Variants in SP140 observed in about 807,000 individuals in gnomAD.
SP140 encodes the protein nuclear body protein SP140.
In SP140, 81 loss-of-function variants were observed where a neutral mutation model predicts 125.0. That is an observed-to-expected ratio of 0.65 (90% CI 0.54 to 0.78). The LOEUF is 0.78. SP140 is among the 30% of genes least tolerant of loss of function. SP140 has a pLI of 0.00. For synonymous variants in SP140, 312 were observed against 354.0 expected, an observed-to-expected ratio of 0.88 and a Z score of 1.33; for missense variants, 858 against 1,037.0, an observed-to-expected ratio of 0.83 and a Z score of 2.37.
chr2:230,281,398 A>G (rs1396104446), intron 15 of SP140, among the ~76,000 whole-genome samples: 1 of 152,218 alleles, frequency 6.6e-6, no homozygotes, highest in Admixed American at 6.5e-5. Context: ...AGTTCAATGT[A>G]TGTTTAGAGT....
intron 1 of SP140, among the ~76,000 whole-genome samples, chr2:230,233,538 G>A (rs1420081273): frequency 1.3e-5 from 2 of 151,848 alleles, no homozygotes; most frequent in Admixed American, 1.3e-4. Context: ...AAAAATTATC[G>A]AGAACCCCAA....
intron 1 of SP140, among the ~76,000 whole-genome samples, chr2:230,228,469 A>G (rs1366761736): frequency 2.0e-5 from 3 of 152,222 alleles, no homozygotes; most frequent in African/African-American, 7.2e-5. Context: ...TGATATGTCA[A>G]TTAATAAAAA....
intron 15 of SP140, among the ~76,000 whole-genome samples, chr2:230,270,983 A>G (rs1238054571): frequency 6.6e-6 from 1 of 152,168 alleles, no homozygotes; most frequent in Admixed American, 6.5e-5. Flanking sequence ...ATCATCAGAA[A>G]TATGTCATGT....
At chr2:230,268,444 G>A (rs2053451223) in intron 12 of SP140, among the ~76,000 whole-genome samples, 1 of 151,596 alleles carries the variant, frequency 6.6e-6, no homozygotes, top group Non-Finnish European at 1.5e-5. Context: ...AGAATCTCTT[G>A]AACCCAGGAG....
intron 7 of SP140, 34 bp from the exon 8 acceptor site, chr2:230,247,882 A>G: frequency 6.2e-7 from 1 of 1,602,254 alleles, no homozygotes; most frequent in Non-Finnish European, 8.5e-7. Context: ...TGGAAATTAC[A>G]TACACTCTCA....
At chr2:230,267,356 C>T (rs1301675854) in intron 12 of SP140, among the ~76,000 whole-genome samples, 1 of 152,218 alleles carries the variant, frequency 6.6e-6, no homozygotes, top group Non-Finnish European at 1.5e-5. Flanking sequence ...AGTCCTTCTT[C>T]TGAACCTTTA....
chr2:230,221,524 G>A (rs954983871), upstream of SP140, among the ~76,000 whole-genome samples: 2 of 152,138 alleles, frequency 1.3e-5, no homozygotes, highest in East Asian at 1.9e-4. Context: ...CCGGCCTTGC[G>A]GGTAATGGCT....
chr2:230,250,524 A>T (rs2050198466), intron 9 of SP140, among the ~76,000 whole-genome samples: 1 of 152,140 alleles, frequency 6.6e-6, no homozygotes, highest in South Asian at 2.1e-4. Flanking sequence ...CACCATCCCA[A>T]GGATGCCTTT....
intron 1 of SP140, chr2:230,213,126 T>C: frequency 8.5e-7 from 1 of 1,178,810 alleles, no homozygotes; most frequent in Non-Finnish European, 1.3e-6. Flanking sequence ...GATGGGGGCA[T>C]GGAGCTATTC....
chr2:230,296,346 T>C (rs1263006164), intron 21 of SP140, among the ~76,000 whole-genome samples: 1 of 152,222 alleles, frequency 6.6e-6, no homozygotes, highest in African/African-American at 2.4e-5. Context: ...GACAAGGTCA[T>C]CTCTCAGGTG....
chr2:230,265,015 A>G (rs1582832), intron 12 of SP140, among the ~76,000 whole-genome samples: 67,474 of 151,778 alleles, frequency 0.44, 15,409 homozygotes, highest in African/African-American at 0.53. Flanking sequence ...GTGATGGGCC[A>G]GCCCTAGAAT....
At chr2:230,284,706 G>C (rs2056125693) in intron 16 of SP140, among the ~76,000 whole-genome samples, 1 of 152,176 alleles carries the variant, frequency 6.6e-6, no homozygotes, top group Non-Finnish European at 1.5e-5. Context: ...ACATTCCTAA[G>C]AGGGCTAAAT....
intron 8 of SP140, 152 bp downstream of exon 8, chr2:230,248,217 C>A: frequency 4.4e-6 from 3 of 678,366 alleles, no homozygotes; most frequent in South Asian, 4.1e-5. Flanking sequence ...TCTTTAACAT[C>A]GATATGCAAA....
intron 3 of SP140, chr2:230,214,886 G>C: frequency 7.1e-7 from 1 of 1,406,086 alleles, no homozygotes; most frequent in Non-Finnish European, 1.0e-6. Flanking sequence ...AGGGCTAGAA[G>C]TAAACCCAGA....
At chr2:230,307,314 A>G (rs956803105) in intron 22 of SP140, among the ~76,000 whole-genome samples, 1 of 152,218 alleles carries the variant, frequency 6.6e-6, no homozygotes, top group Non-Finnish European at 1.5e-5. Context: ...TTGCAGGACA[A>G]AAGAACTTGG....
chr2:230,204,492 C>T (rs1192941615), intron 1 of SP140, among the ~76,000 whole-genome samples: 6 of 152,096 alleles, frequency 3.9e-5, no homozygotes, highest in Non-Finnish European at 8.8e-5. Context: ...ATCTACACCA[C>T]GTGGTGCCCA....
chr2:230,216,645 A>T, intron 3 of SP140: 1 of 1,046,072 alleles, frequency 9.6e-7, no homozygotes, highest in Non-Finnish European at 1.5e-6. Context: ...AACTACCCCC[A>T]CCTTCTGTGA....
chr2:230,276,585 G>A (rs916232012), intron 15 of SP140, among the ~76,000 whole-genome samples: 9 of 152,152 alleles, frequency 5.9e-5, no homozygotes, highest in Non-Finnish European at 1.2e-4. Flanking sequence ...CTAACACAAC[G>A]TCCATTCTGC....
chr2:230,308,592 G>T (rs143011197), intron 22 of SP140, among the ~76,000 whole-genome samples: 9 of 152,230 alleles, frequency 5.9e-5, no homozygotes, highest in Non-Finnish European at 1.0e-4. Flanking sequence ...TGGGGGCTGC[G>T]CTCAGGAACA....
Sources: gnomAD v4.1 joint callset for allele counts (sites outside exome capture counted in the v4.1 genomes callset) on GRCh38, gnomAD v4.1.1 for gene constraint, MANE v1.5 for transcripts, NCBI Gene and HGNC (gene_info 2026-07-23, HGNC 2026-07-21) for gene names.